ZSWIM6: variants seen among roughly 807,000 people sequenced by gnomAD.
ZSWIM6 encodes zinc finger SWIM domain-containing protein 6.
ZSWIM6 carries 9 observed loss-of-function variants against 113.2 expected under a neutral mutation model. The ratio of observed to expected loss-of-function variants is 0.08; its 90% CI spans 0.05 to 0.14. ZSWIM6 has a LOEUF of 0.14. ZSWIM6 is among the 10% of genes least tolerant of loss of function. ZSWIM6 has a pLI of 1.00. For missense variants in ZSWIM6, 1,162 were observed against 1,552.2 expected (o/e 0.75, Z 4.22); for synonymous variants, 611 against 606.5 (o/e 1.01, Z -0.11).
At chr5:61,447,746 C>T (rs1746995349) in intron 1 of ZSWIM6, among the ~76,000 whole-genome samples, 1 of 152,130 alleles carries the variant, frequency 6.6e-6, no homozygotes, top group Non-Finnish European at 1.5e-5. Flanking sequence ...TTAGGTCTTG[C>T]AAGTAGCTGC....
intron 1 of ZSWIM6, among the ~76,000 whole-genome samples, chr5:61,358,305 G>A (rs1469005888): frequency 6.6e-6 from 1 of 152,090 alleles, no homozygotes; most frequent in Non-Finnish European, 1.5e-5. Flanking sequence ...CCCAAAATCT[G>A]CAAAAAATCA....
intron 2 of ZSWIM6, among the ~76,000 whole-genome samples, chr5:61,473,717 A>G (rs1747637363): frequency 6.6e-6 from 1 of 152,236 alleles, no homozygotes; most frequent in African/African-American, 2.4e-5. Flanking sequence ...GTTGCCAAAC[A>G]TAGGTTGCTT....
rs532534592 is a variant in ZSWIM6, at chr5:61,474,528, T to C, written c.1033+1491T>C. ...AATCCAACACATATCATAATATTCA[T>C]AAATATTCAAGAAAAATGTTGTTAT... On this transcript the variant is annotated intron_variant, in intron 2 of 13. Coordinates refer to ENST00000252744, the MANE Select transcript of ZSWIM6 (RefSeq NM_020928.2). Among the ~76,000 whole-genome samples the C allele has an allele frequency of 2.0e-5, 3 of 152,354 alleles. No individual in the cohort carries two copies. The East Asian group carries it at 5.8e-4, about 29-fold the overall frequency.
chr5:61,382,343 A>G (rs1745503267), intron 1 of ZSWIM6, among the ~76,000 whole-genome samples: 1 of 152,234 alleles, frequency 6.6e-6, no homozygotes, highest in African/African-American at 2.4e-5. Flanking sequence ...ATCAACATTT[A>G]TAATCTTAAG....
chr5:61,412,378 G>A (rs1296090138), intron 1 of ZSWIM6, among the ~76,000 whole-genome samples: 2 of 152,192 alleles, frequency 1.3e-5, no homozygotes, highest in Non-Finnish European at 2.9e-5. Flanking sequence ...TAGCTCAGGT[G>A]TAGTGTGATT....
chr5:61,485,230 C>A (rs889063529), intron 2 of ZSWIM6, among the ~76,000 whole-genome samples: 24 of 152,286 alleles, frequency 1.6e-4, no homozygotes, highest in African/African-American at 5.3e-4. Flanking sequence ...TGACTTTCTC[C>A]TTCTTCTGGA....
chr5:61,440,249 G>C (rs1746797506), intron 1 of ZSWIM6, among the ~76,000 whole-genome samples: 1 of 151,844 alleles, frequency 6.6e-6, no homozygotes, highest in African/African-American at 2.4e-5. Flanking sequence ...TGACTGATGT[G>C]GTAGGGTAAT....
intron 1 of ZSWIM6, among the ~76,000 whole-genome samples, chr5:61,383,772 C>T (rs922536485): frequency 4.6e-5 from 7 of 151,754 alleles, no homozygotes; most frequent in African/African-American, 1.7e-4. Flanking sequence ...GTCTCGAACT[C>T]CTGACCTCAG....
intron 1 of ZSWIM6, among the ~76,000 whole-genome samples, chr5:61,343,974 A>G (rs1467425154): frequency 6.6e-6 from 1 of 151,682 alleles, no homozygotes; most frequent in Non-Finnish European, 1.5e-5. Context: ...GCAGTCTCCA[A>G]TCTCCACTTC....
intron 1 of ZSWIM6, among the ~76,000 whole-genome samples, chr5:61,447,608 C>T (rs1746989384): frequency 6.6e-6 from 1 of 152,016 alleles, no homozygotes; most frequent in Admixed American, 6.6e-5. Flanking sequence ...CCACCTCCAG[C>T]CAAAAAAGGG....
intron 1 of ZSWIM6, among the ~76,000 whole-genome samples, chr5:61,392,159 G>T (rs1003912145): frequency 6.6e-6 from 1 of 152,116 alleles, no homozygotes; most frequent in African/African-American, 2.4e-5. Context: ...TTTCAATGTT[G>T]TGTTTTCTAG....
At chr5:61,510,139 C>A (rs529207775) in intron 4 of ZSWIM6, among the ~76,000 whole-genome samples, 2 of 151,672 alleles carry the variant, frequency 1.3e-5, no homozygotes, top group South Asian at 4.2e-4. Context: ...TAATCCATAT[C>A]TTAACCTTTC....
chr5:61,526,184 A>G (rs1749277006), intron 6 of ZSWIM6, 66 bp from the exon 7 acceptor site: 1 of 1,490,264 alleles, frequency 6.7e-7, no homozygotes. Flanking sequence ...ACATCTTACT[A>G]TTAAATTCTT....
At chr5:61,436,435 G>A (rs1746708981) in intron 1 of ZSWIM6, among the ~76,000 whole-genome samples, 1 of 152,024 alleles carries the variant, frequency 6.6e-6, no homozygotes, top group African/African-American at 2.4e-5. Context: ...GTGTCACACT[G>A]TTCATTAAAT....
At chr5:61,447,423 A>G (rs950355483) in intron 1 of ZSWIM6, among the ~76,000 whole-genome samples, 3 of 152,202 alleles carry the variant, frequency 2.0e-5, no homozygotes, top group Admixed American at 6.5e-5. Flanking sequence ...TCTCTCAGTC[A>G]GTTGGGCTTG....
At chr5:61,407,907 G>A (rs1023157575) in intron 1 of ZSWIM6, among the ~76,000 whole-genome samples, 2 of 152,062 alleles carry the variant, frequency 1.3e-5, no homozygotes, top group Non-Finnish European at 1.5e-5. Flanking sequence ...CTGGTGGGAG[G>A]GTAAAGGTAC....
At chr5:61,491,973 T>C (rs1748190853) in intron 3 of ZSWIM6, among the ~76,000 whole-genome samples, 1 of 152,040 alleles carries the variant, frequency 6.6e-6, no homozygotes. Context: ...AAAATACATT[T>C]AACTCTAATA....
intron 1 of ZSWIM6, among the ~76,000 whole-genome samples, chr5:61,466,473 G>A (rs1191050606): frequency 3.9e-5 from 6 of 152,154 alleles, no homozygotes; most frequent in Admixed American, 3.9e-4. Flanking sequence ...TTTAGGAAAA[G>A]GGTGAAAGAT....
At chr5:61,499,735 C>A (rs1748412913) in intron 4 of ZSWIM6, among the ~76,000 whole-genome samples, 2 of 152,124 alleles carry the variant, frequency 1.3e-5, no homozygotes, top group African/African-American at 4.8e-5. Context: ...TTGAGATTTT[C>A]AATCCAACCT....
Sources: gnomAD v4.1 joint callset for allele counts (sites outside exome capture counted in the v4.1 genomes callset) on GRCh38, gnomAD v4.1.1 for gene constraint, MANE v1.5 for transcripts, NCBI Gene and HGNC (gene_info 2026-07-23, HGNC 2026-07-21) for gene names.